HMGXB4: variants seen among roughly 807,000 people sequenced by gnomAD.
HMGXB4 encodes the protein HMG-box containing 4.
In HMGXB4, 27 loss-of-function variants were observed where a neutral mutation model predicts 63.9. That is an observed-to-expected ratio of 0.42 (90% CI 0.31 to 0.58). HMGXB4 has a LOEUF of 0.58. HMGXB4 is among the 20% of genes least tolerant of loss of function. The pLI, the probability that HMGXB4 is intolerant of heterozygous loss-of-function variation, is 0.13. For synonymous variants in HMGXB4, 264 were observed against 265.3 expected (o/e 0.99, Z 0.05); for missense variants, 624 against 700.7 (o/e 0.89, Z 1.24).
chr22:35,270,592 T>C (rs1251946496), intron 5 of HMGXB4, among the ~76,000 whole-genome samples: 1 of 152,224 alleles, frequency 6.6e-6, no homozygotes, highest in African/African-American at 2.4e-5. Context: ...CCTAGTGGGC[T>C]TGTATCTGGG....
rs1057388836 is a variant in HMGXB4, at chr22:35,265,184, G to A, written c.796G>A (p.Gly266Ser). Residue 266 changes from glycine to serine, a missense_variant, in exon 5 of 11, where the codon GGC becomes AGC. Transcript: ENST00000216106. ...CGCACATTCATCTCCTGGCCCTGAA[G>A]GCTGTGGGTCTGACGCCTCCCAGTT... ...SDAHSSPGPE[G>S]CGSDASQFAE... is the part of the protein sequence containing the mutation. 2 of 1,613,994 alleles carry A rather than the reference G, an allele frequency of 1.2e-6. No homozygotes were observed. Among genetic ancestry groups the A allele is most frequent in the Admixed American group, 1.7e-5 (1 of 59,998 alleles).
intron 5 of HMGXB4, among the ~76,000 whole-genome samples, chr22:35,283,078 C>T (rs1038980841): frequency 6.6e-6 from 1 of 152,204 alleles, no homozygotes; most frequent in African/African-American, 2.4e-5. Context: ...GAAGGCGTTG[C>T]ATCTGACAGT....
chr22:35,242,536 T>G, the HMGXB4 span, among the ~76,000 whole-genome samples: 2 of 151,848 alleles, frequency 1.3e-5, no homozygotes, highest in Non-Finnish European at 2.9e-5. Context: ...ATCTGCTCTC[T>G]CTCTCTCTCT....
At chr22:35,265,640 T>G (rs1275298137) in intron 5 of HMGXB4, 37 bp downstream of exon 5, 4 of 1,486,798 alleles carry the variant, frequency 2.7e-6, no homozygotes, top group Admixed American at 2.5e-5. Flanking sequence ...GGTAAGAGAT[T>G]AAGCAGGTTC....
rs541766955 is a variant in HMGXB4 at position 35,284,347 on chromosome 22, G to A, written c.1297+304G>A. Among the ~76,000 whole-genome samples the A allele has an allele frequency of 1.0e-3, 155 of 152,258 alleles. 1 individual carries two copies. Among genetic ancestry groups the A allele is most frequent in the Middle Eastern group, 3.4e-3 (1 of 294 alleles). On this transcript the variant is annotated intron_variant, in intron 6 of 10. Coordinates refer to ENST00000216106, the MANE Select transcript of HMGXB4 (RefSeq NM_001003681.3). ...CTACAATTGGCCTTTTCCTTAAATT[G>A]CCCTTGGATGTAAAGTTATAATGAG... is the stretch of plus-strand genomic sequence containing the variant.
intron 9 of HMGXB4, among the ~76,000 whole-genome samples, chr22:35,291,768 T>TA (rs1924947246): frequency 6.6e-6 from 1 of 152,184 alleles, no homozygotes; most frequent in Non-Finnish European, 1.5e-5. Flanking sequence ...TACAGAAGAA[T>TA]AAACAGACTT....
chr22:35,281,193 C>T (rs1284043288), intron 5 of HMGXB4, among the ~76,000 whole-genome samples: 1 of 152,230 alleles, frequency 6.6e-6, no homozygotes, highest in Admixed American at 6.5e-5. Context: ...AAGCTATCCA[C>T]TTCCCATGTG....
chr22:35,242,019 C>CT, the HMGXB4 span, among the ~76,000 whole-genome samples: 3 of 152,070 alleles, frequency 2.0e-5, no homozygotes, highest in Non-Finnish European at 2.9e-5. Context: ...CTGTAGATTC[C>CT]TTTTTTATAC....
At chr22:35,254,824 G>A (rs1365078772), upstream of HMGXB4, among the ~76,000 whole-genome samples, 1 of 152,208 alleles carries the variant, frequency 6.6e-6, no homozygotes, top group East Asian at 1.9e-4. Flanking sequence ...AGTAGGCTGA[G>A]GAGAGATCTG....
chr22:35,286,851 CAAAAA>C (rs67190857), intron 7 of HMGXB4: 1,211 of 72,804 alleles, frequency 0.017, 12 homozygotes, highest in Admixed American at 0.057. Flanking sequence ...AACTCCATCT[CAAAAA>C]AAAAAAAAAA....
chr22:35,264,664 A>T lies in HMGXB4; in HGVS notation c.276A>T (p.Glu92Asp), dbSNP rs772923600. Residue 92 changes from glutamate (E) to aspartate (D), a missense_variant, in exon 5 of 11, where the codon GAA (glutamate) becomes GAT (aspartate). Physicochemically the swap from Glu to Asp is conservative, Grantham distance 45 (BLOSUM62 2). Around this residue, in one of 2 missense-constraint regions of HMGXB4, gnomAD observed 472 missense variants for 470.6 expected, o/e 1.00. Transcript: ENST00000216106. ...TATTTCTAGATATTTCGTCTTTGGAATCGTCACAGAAGAAAAAGAAAAAGT... is the reference window on the plus strand; with the variant it reads ...TATTTCTAGATATTTCGTCTTTGGATTCGTCACAGAAGAAAAAGAAAAAGT... The part of the protein sequence containing the change: ...DYYYGDISSL[E>D]SSQKKKKKSS... 7.0e-6 allele frequency: 11 copies of T among 1,569,224 alleles called. No homozygotes were observed. Among genetic ancestry groups the T allele is most frequent in the Admixed American group, 2.0e-5 (1 of 49,296 alleles).
At chr22:35,277,860 A>G (rs954025127) in intron 5 of HMGXB4, among the ~76,000 whole-genome samples, 4 of 152,082 alleles carry the variant, frequency 2.6e-5, no homozygotes, top group East Asian at 1.9e-4. Flanking sequence ...TTGACACATC[A>G]TTATCACCCA....
chr22:35,285,568 T>A (rs1601641732), intron 6 of HMGXB4, among the ~76,000 whole-genome samples: 2 of 151,770 alleles, frequency 1.3e-5, no homozygotes, highest in Non-Finnish European at 2.9e-5. Context: ...AAGAAAAAAA[T>A]TTTAAAAAAT....
At chr22:35,254,038 C>A (rs531467412), upstream of HMGXB4, among the ~76,000 whole-genome samples, 43 of 152,134 alleles carry the variant, frequency 2.8e-4, no homozygotes, top group South Asian at 4.6e-3. Context: ...CCCATCAGAC[C>A]GAAGACAAAG....
chr22:35,260,589 A>G (rs1254276351), intron 1 of HMGXB4, among the ~76,000 whole-genome samples: 2 of 152,220 alleles, frequency 1.3e-5, no homozygotes, highest in South Asian at 2.1e-4. Flanking sequence ...TTCGTTTCCT[A>G]TGAAAAGGCC....
At chr22:35,242,135 T>C in the HMGXB4 span, among the ~76,000 whole-genome samples, 1 of 152,238 alleles carries the variant, frequency 6.6e-6, no homozygotes. Flanking sequence ...TTTAAAATTC[T>C]TCTTTAAACA....
At position 35,265,416 on chromosome 22, in the gene HMGXB4, A is replaced by G. The variant is rs772765503; in HGVS notation, c.1028A>G (p.Lys343Arg). 6.2e-7 allele frequency: 1 copy of G among 1,614,204 alleles called. No individual in the cohort carries two copies. Among genetic ancestry groups the G allele is most frequent in the Admixed American group, 1.7e-5 (1 of 60,030 alleles). ...KHKEKRHSKS[K>R]RSLGLSAVPV... Reference sequence around the variant, plus strand: ...AAAGAGAAGCGACACTCCAAGTCCAAGAGAAGTTTAGGACTTTCTGCCGTG... The same window carrying G: ...AAAGAGAAGCGACACTCCAAGTCCAGGAGAAGTTTAGGACTTTCTGCCGTG... The change falls in exon 5 of 11, where the codon AAG (lysine) becomes AGG (arginine). Residue 343 changes from lysine (K) to arginine (R), a missense_variant. By Grantham distance (26) the Lys-to-Arg change is conservative. Coordinates refer to ENST00000216106, the MANE Select transcript of HMGXB4 (RefSeq NM_001003681.3).
chr22:35,263,029 C>G, intron 2 of HMGXB4, 49 bp from the exon 3 acceptor site: 1 of 1,571,804 alleles, frequency 6.4e-7, no homozygotes. Context: ...TTGGTCATTA[C>G]TTACTTGACT....
At chr22:35,288,951 C>G (rs1430373915) in intron 9 of HMGXB4, among the ~76,000 whole-genome samples, 1 of 151,882 alleles carries the variant, frequency 6.6e-6, no homozygotes, top group Non-Finnish European at 1.5e-5. Flanking sequence ...ACCAGCCTGG[C>G]CAATATGGTG....
Sources: allele counts gnomAD v4.1 joint callset (sites outside exome capture counted in the v4.1 genomes callset), GRCh38; gene constraint gnomAD v4.1.1; regional missense constraint gnomAD v4.1.1; transcripts MANE v1.5; gene names NCBI Gene and HGNC (gene_info 2026-07-23, HGNC 2026-07-21).